PCDH11X: variants seen among roughly 807,000 people sequenced by gnomAD.
PCDH11X encodes protocadherin-11 X-linked.
PCDH11X carries 18 observed loss-of-function variants against 53.3 expected under a neutral mutation model. The ratio of observed to expected loss-of-function variants is 0.34; its 90% CI spans 0.23 to 0.50. The LOEUF is 0.50. Among genes scored for constraint, PCDH11X ranks in the 20% least tolerant of loss-of-function variants. The pLI, the probability that PCDH11X is intolerant of heterozygous loss-of-function variation, is 0.98. For missense variants in PCDH11X, 570 were observed against 1,032.4 expected, an observed-to-expected ratio of 0.55 and a Z score of 6.14; for synonymous variants, 279 against 393.3, an observed-to-expected ratio of 0.71 and a Z score of 3.44.
At chrX:92,209,713 A>T (rs1339277279) in intron 7 of PCDH11X, among the ~76,000 whole-genome samples, 1 of 112,329 alleles carries the variant, frequency 8.9e-6, no homozygotes, top group Non-Finnish European at 1.9e-5. Context: ...CCCAGTGGGG[A>T]CTGTGTGTGA....
chrX:91,982,912 C>T (rs2062164282), intron 6 of PCDH11X: 1 of 1,020,785 alleles, frequency 9.8e-7, no homozygotes, highest in Non-Finnish European at 1.4e-6. Flanking sequence ...TTCTTGTTCA[C>T]TTTCTGGTAA....
intron 8 of PCDH11X, among the ~76,000 whole-genome samples, chrX:92,291,812 T>C (rs1214567107): frequency 9.2e-6 from 1 of 108,403 alleles, no homozygotes; most frequent in Non-Finnish European, 1.9e-5. Context: ...TGAAATACTT[T>C]CAAATCATGA....
rs375819567 is a variant in PCDH11X, at chrX:92,263,114, C to T, written c.3115C>T (p.Arg1039Trp). ...TTGCCTCCATTTTATCCTAAATCAGCGGAAATCTGAAGGGAAAGTGGCAGG... is the reference window on the plus strand; with the variant it reads ...TTGCCTCCATTTTATCCTAAATCAGTGGAAATCTGAAGGGAAAGTGGCAGG... ...MEIWIHPQPQ[R>W]KSEGKVAGKS... The change falls in exon 8 of 11, where the codon CGG (arginine) becomes TGG (tryptophan). Residue 1039 changes from arginine (R) to tryptophan (W), a missense_variant and splice_region_variant. Around this residue, in one of 6 missense-constraint regions of PCDH11X, gnomAD observed 234 missense variants for 296.1 expected, o/e 0.79. Coordinates refer to ENST00000682573, the MANE Select transcript of PCDH11X (RefSeq NM_032968.5). 96 of 1,179,769 alleles carry T rather than the reference C, an allele frequency of 8.1e-5. No homozygotes were observed. The highest frequency in any genetic ancestry group is 2.1e-4 in the Admixed American group (9 of 42,657).
intron 8 of PCDH11X, among the ~76,000 whole-genome samples, chrX:92,300,401 G>A (rs1210953183): frequency 9.0e-6 from 1 of 111,487 alleles, no homozygotes; most frequent in Non-Finnish European, 1.9e-5. Context: ...TTTCTCATAT[G>A]TGTGGGCTGA....
intron 10 of PCDH11X, among the ~76,000 whole-genome samples, chrX:92,585,916 A>T (rs1215363008): frequency 4.0e-5 from 4 of 100,617 alleles, no homozygotes; most frequent in African/African-American, 7.4e-5. Context: ...ATTCAATAAT[A>T]TTATTCATGG....
rs34403411 is a variant in PCDH11X, at chrX:92,050,029, C to T, written c.3034-151346C>T. On this transcript the variant is annotated intron_variant, in intron 6 of 10. Coordinates refer to ENST00000682573, the MANE Select transcript of PCDH11X (RefSeq NM_032968.5). The stretch of plus-strand genomic sequence containing the variant: ...ACCTCAGGTGATCTGCCCGCCTCGG[C>T]CTCCCAAGGTGCTGGGATTACAGGC... Among the ~76,000 whole-genome samples the T allele has an allele frequency of 2.3e-4, 26 of 112,275 alleles. 1 individual carries two copies. In the South Asian group the frequency reaches 9.6e-3, roughly 42 times the overall value.
chrX:91,866,276 T>C (rs1938983169), intron 5 of PCDH11X, among the ~76,000 whole-genome samples: 1 of 111,012 alleles, frequency 9.0e-6, no homozygotes, highest in Admixed American at 9.6e-5. Flanking sequence ...TAGTCCACTG[T>C]CCTATGCCCA....
chrX:92,327,346 G>T, intron 8 of PCDH11X, among the ~76,000 whole-genome samples: 1 of 92,398 alleles, frequency 1.1e-5, no homozygotes, highest in Non-Finnish European at 2.1e-5. Flanking sequence ...AAAAGCTTTT[G>T]CAGTGCTTGA....
At chrX:92,355,224 G>A (rs1378963770) in intron 8 of PCDH11X, among the ~76,000 whole-genome samples, 3 of 91,633 alleles carry the variant, frequency 3.3e-5, no homozygotes, top group Admixed American at 1.3e-4. Context: ...TCAGGAGATC[G>A]AGACCATCCC....
In PCDH11X at chrX:92,039,025, TA is replaced by T. The variant is rs2063171489; in HGVS notation, c.3033+159756del. Among the ~76,000 whole-genome samples, 4 of 111,989 alleles carry T rather than the reference TA, an allele frequency of 3.6e-5. No individual in the cohort carries two copies. In the Admixed American group the frequency reaches 3.8e-4, roughly 11 times the overall value. On this transcript the variant is annotated intron_variant, in intron 6 of 10. Coordinates refer to ENST00000682573, the MANE Select transcript of PCDH11X (RefSeq NM_032968.5). ...TGGACTAATACCACTTTCCAGGTCCTAAAAGAGACTTGAACCCCAAGCCCAA... is the reference window on the plus strand; with the variant it reads ...TGGACTAATACCACTTTCCAGGTCCTAAAGAGACTTGAACCCCAAGCCCAA...
At chrX:92,209,695 G>T (rs1423081043) in intron 7 of PCDH11X, among the ~76,000 whole-genome samples, 1 of 112,326 alleles carries the variant, frequency 8.9e-6, no homozygotes, top group African/African-American at 3.2e-5. Flanking sequence ...AGCTTCACTA[G>T]GCAGTACCCC....
chrX:92,014,932 G>A (rs1480681050), intron 6 of PCDH11X, among the ~76,000 whole-genome samples: 1 of 110,795 alleles, frequency 9.0e-6, no homozygotes, highest in Non-Finnish European at 1.9e-5. Context: ...TATACCTAAT[G>A]TTAAATGACG....
At chrX:92,536,192 AG>A (rs750076027) in intron 10 of PCDH11X, among the ~76,000 whole-genome samples, 1 of 111,276 alleles carries the variant, frequency 9.0e-6, no homozygotes, top group Non-Finnish European at 1.9e-5. Flanking sequence ...TTCTTCTGTT[AG>A]TACTTACGAT....
intron 6 of PCDH11X, among the ~76,000 whole-genome samples, chrX:91,976,911 A>T (rs867881209): frequency 9.0e-6 from 1 of 111,545 alleles, no homozygotes; most frequent in African/African-American, 3.3e-5. Flanking sequence ...AGGTTAGCTT[A>T]AGTGAAGAAA....
rs757045963 is a variant in PCDH11X, at chrX:92,331,279, T to TTTCTTCTTCTTCTTCTTCTTC, written c.3145-56437_3145-56417dup. ...TTCTTTCCACCTCCTCCTCCTCCTC[T>TTTCTTCTTCTTCTTCTTCTTC]TTCTTCTTCTTCTTCTTCTTCTTCT... is the stretch of plus-strand genomic sequence containing the variant. On this transcript the variant is annotated intron_variant, in intron 8 of 10. Coordinates refer to ENST00000682573, the MANE Select transcript of PCDH11X (RefSeq NM_032968.5). 7.4e-3 allele frequency among the ~76,000 whole-genome samples: 392 copies of TTTCTTCTTCTTCTTCTTCTTC among 53,214 alleles called. 38 individuals carry two copies. Among genetic ancestry groups the TTTCTTCTTCTTCTTCTTCTTC allele is most frequent in the African/African-American group, 0.024 (330 of 13,685 alleles). The allele number at this position is 53,214 out of a possible 115,157, so 46.2% of individuals were successfully genotyped here. A position where few individuals can be genotyped will look rare whatever the true frequency, so the allele number is the denominator to read the frequency against.
At chrX:92,121,376 G>C (rs1455154920) in intron 6 of PCDH11X, among the ~76,000 whole-genome samples, 6 of 110,910 alleles carry the variant, frequency 5.4e-5, no homozygotes, top group Non-Finnish European at 9.4e-5. Context: ...GGCTGGTCTC[G>C]AACTCCTGAC....
chrX:91,973,908 C>T lies in PCDH11X; in HGVS notation c.3033+94635C>T, dbSNP rs773604448. Among the ~76,000 whole-genome samples, 405 of 110,984 alleles carry T rather than the reference C, an allele frequency of 3.6e-3. 3 individuals are homozygous for T. The highest frequency in any genetic ancestry group is 5.7e-3 in the Non-Finnish European group (300 of 52,947). On this transcript the variant is annotated intron_variant, in intron 6 of 10. Coordinates refer to ENST00000682573, the MANE Select transcript of PCDH11X (RefSeq NM_032968.5). ...GGGATTACAGGTGTGAGCCACCATGCCCAGCCTACAACTTTTACTTGTCAA... is the reference window on the plus strand; with the variant it reads ...GGGATTACAGGTGTGAGCCACCATGTCCAGCCTACAACTTTTACTTGTCAA...
At chrX:91,797,777 C>G (rs1284974594) in intron 1 of PCDH11X, among the ~76,000 whole-genome samples, 2 of 109,323 alleles carry the variant, frequency 1.8e-5, no homozygotes, top group Non-Finnish European at 3.8e-5. Context: ...GCAGCAATTC[C>G]TTATTCTTTA....
At chrX:92,031,736 G>A (rs918997648) in intron 6 of PCDH11X, among the ~76,000 whole-genome samples, 7 of 111,225 alleles carry the variant, frequency 6.3e-5, no homozygotes, top group Non-Finnish European at 3.8e-5. Context: ...TTACTGAAGC[G>A]ACTGTCTTTG....
Sources: gnomAD v4.1 joint callset for allele counts (sites outside exome capture counted in the v4.1 genomes callset) on GRCh38, gnomAD v4.1.1 for gene constraint, gnomAD v4.1.1 regional missense constraint, MANE v1.5 for transcripts, NCBI Gene and HGNC (gene_info 2026-07-23, HGNC 2026-07-21) for gene names.